PTPRT: variants seen among roughly 807,000 people sequenced by gnomAD.
PTPRT encodes the protein receptor-type tyrosine-protein phosphatase T.
In PTPRT, 56 loss-of-function variants were observed where a neutral mutation model predicts 176.8. The ratio of observed to expected loss-of-function variants is 0.32; its 90% CI spans 0.26 to 0.40. The LOEUF (loss-of-function observed/expected upper bound fraction) is 0.40. PTPRT is among the 10% of genes least tolerant of loss of function. PTPRT has a pLI of 1.00. For missense variants in PTPRT, 1,540 were observed against 1,908.2 expected (o/e 0.81, Z 3.60); for synonymous variants, 783 against 739.0 (o/e 1.06, Z -0.96).
At chr20:42,939,507 T>G (rs1023483737) in intron 1 of PTPRT, among the ~76,000 whole-genome samples, 1 of 152,240 alleles carries the variant, frequency 6.6e-6, no homozygotes, top group African/African-American at 2.4e-5. Flanking sequence ...CTGTACCCAC[T>G]GTCTCATTCA....
intron 7 of PTPRT, among the ~76,000 whole-genome samples, chr20:42,620,179 G>A (rs1300977735): frequency 6.8e-6 from 1 of 147,490 alleles, no homozygotes; most frequent in African/African-American, 2.6e-5. Flanking sequence ...CTCAGCTGCA[G>A]GTCTGTTGGA....
intron 9 of PTPRT, among the ~76,000 whole-genome samples, chr20:42,431,265 T>C (rs2059213663): frequency 6.6e-6 from 1 of 152,206 alleles, no homozygotes; most frequent in Non-Finnish European, 1.5e-5. Flanking sequence ...ACGTTAGATC[T>C]AGGATTTGAA....
intron 16 of PTPRT, among the ~76,000 whole-genome samples, chr20:42,169,361 T>A (rs983308206): frequency 1.3e-5 from 2 of 152,082 alleles, no homozygotes; most frequent in Non-Finnish European, 2.9e-5. Flanking sequence ...GGGGAGAGTA[T>A]GAATTCCTTC....
chr20:42,936,287 G>C (rs1466784775), intron 1 of PTPRT, among the ~76,000 whole-genome samples: 1 of 152,158 alleles, frequency 6.6e-6, no homozygotes, highest in Non-Finnish European at 1.5e-5. Flanking sequence ...GCAAAATCAT[G>C]AAACAGGTCA....
chr20:42,953,377 G>C (rs1050309347), intron 1 of PTPRT, among the ~76,000 whole-genome samples: 9 of 152,232 alleles, frequency 5.9e-5, no homozygotes, highest in Non-Finnish European at 1.5e-5. Flanking sequence ...CTCAGTAAGA[G>C]GTAGAGCTGG....
At chr20:42,709,973 A>G (rs1283373141) in intron 6 of PTPRT, among the ~76,000 whole-genome samples, 2 of 152,214 alleles carry the variant, frequency 1.3e-5, no homozygotes, top group African/African-American at 4.8e-5. Flanking sequence ...TGAACTTAAG[A>G]GTGATGACTT....
intron 1 of PTPRT, among the ~76,000 whole-genome samples, chr20:42,900,685 A>G (rs902116892): frequency 1.3e-5 from 2 of 152,152 alleles, no homozygotes; most frequent in African/African-American, 2.4e-5. Flanking sequence ...GTTGGGAGAA[A>G]AGCTGAGTGT....
intron 17 of PTPRT, among the ~76,000 whole-genome samples, chr20:42,151,861 G>A (rs1989146756): frequency 6.6e-6 from 1 of 152,214 alleles, no homozygotes; most frequent in Non-Finnish European, 1.5e-5. Flanking sequence ...TTTAAAACTG[G>A]GACCGTTTTG....
intron 7 of PTPRT, among the ~76,000 whole-genome samples, chr20:42,533,854 T>C (rs2072427966): frequency 2.6e-5 from 4 of 152,202 alleles, no homozygotes; most frequent in African/African-American, 4.8e-5. Flanking sequence ...TCAATGGTTG[T>C]TGTGCAAGGG....
intron 18 of PTPRT, among the ~76,000 whole-genome samples, chr20:42,130,858 T>C (rs1243929512): frequency 1.3e-5 from 2 of 152,170 alleles, no homozygotes; most frequent in African/African-American, 4.8e-5. Flanking sequence ...TTAACCTTTA[T>C]TGGATTCATG....
chr20:42,740,868 AG>A (rs1270207970), intron 6 of PTPRT, among the ~76,000 whole-genome samples: 2 of 152,178 alleles, frequency 1.3e-5, no homozygotes, highest in African/African-American at 4.8e-5. Context: ...GGCACTTGTA[AG>A]GGCAGAAATT....
chr20:42,123,120 T>C (rs1211319649), intron 19 of PTPRT, among the ~76,000 whole-genome samples: 3 of 152,188 alleles, frequency 2.0e-5, no homozygotes, highest in Non-Finnish European at 2.9e-5. Context: ...GAAATACATG[T>C]ATGAATGTTT....
the PTPRT span, among the ~76,000 whole-genome samples, chr20:42,059,636 G>C: frequency 6.6e-6 from 1 of 152,130 alleles, no homozygotes; most frequent in Admixed American, 6.5e-5. Flanking sequence ...TGGCCACAGG[G>C]TCAGATCTGA....
intron 7 of PTPRT, among the ~76,000 whole-genome samples, chr20:42,508,874 C>G (rs2071897886): frequency 1.4e-5 from 2 of 146,254 alleles, no homozygotes; most frequent in South Asian, 4.2e-4. Context: ...TATCCTTACA[C>G]TTAATTTATA....
intron 6 of PTPRT, among the ~76,000 whole-genome samples, chr20:42,735,411 A>G (rs2146276272): frequency 7.5e-6 from 1 of 133,728 alleles, no homozygotes; most frequent in East Asian, 2.7e-4. Flanking sequence ...ACTTAAACCC[A>G]GATTGCCTTA....
intron 6 of PTPRT, among the ~76,000 whole-genome samples, chr20:42,754,076 T>C (rs2076797531): frequency 6.6e-6 from 1 of 152,156 alleles, no homozygotes; most frequent in South Asian, 2.1e-4. Context: ...CCACGGAAGG[T>C]ATAAGACACA....
intron 7 of PTPRT, among the ~76,000 whole-genome samples, chr20:42,666,342 T>C (rs2075316713): frequency 6.6e-6 from 1 of 151,908 alleles, no homozygotes; most frequent in Admixed American, 6.5e-5. Context: ...GTTTCAAAAA[T>C]TAAAAAAATA....
intron 16 of PTPRT, among the ~76,000 whole-genome samples, chr20:42,170,625 A>C (rs1990038116): frequency 6.6e-6 from 1 of 152,240 alleles, no homozygotes; most frequent in Admixed American, 6.5e-5. Flanking sequence ...CTTGGAAATT[A>C]AAACGCAAGG....
Position 42,684,429 on chromosome 20 carries a change from G to C in PTPRT, c.860-6270C>G, listed in dbSNP as rs113953710. Among the ~76,000 whole-genome samples, 351 of 152,218 alleles carry C rather than the reference G, an allele frequency of 2.3e-3. 1 individual carries two copies. Among genetic ancestry groups the C allele is most frequent in the African/African-American group, 8.2e-3 (340 of 41,552 alleles). ...ATCTGATGTCTTACTTAAATGGGTA[G>C]AAAAAATATTTGATAAGTTTTCCCA... On this transcript the variant is annotated intron_variant, in intron 6 of 30. Transcript: ENST00000373187.
Sources: gnomAD v4.1 joint callset for allele counts (sites outside exome capture counted in the v4.1 genomes callset) on GRCh38, gnomAD v4.1.1 for gene constraint, MANE v1.5 for transcripts, NCBI Gene and HGNC (gene_info 2026-07-23, HGNC 2026-07-21) for gene names.